The following CSMD3 variants were observed in gnomAD, a reference collection of about 807,000 sequenced individuals.
CSMD3 encodes CUB and sushi domain-containing protein 3.
In CSMD3, 177 loss-of-function variants were observed where a neutral mutation model predicts 435.2. The observed-to-expected ratio is 0.41, with a 90% confidence interval of 0.36 to 0.46. The LOEUF is 0.46. Among genes scored for constraint, CSMD3 ranks in the 20% least tolerant of loss-of-function variants. The pLI is 0.34. For synonymous variants in CSMD3, 1,656 were observed against 1,520.5 expected (o/e 1.09, Z -2.07); for missense variants, 4,265 against 4,504.6 (o/e 0.95, Z 1.52).
chr8:112,268,196 T>C (rs1817134656), intron 59 of CSMD3, among the ~76,000 whole-genome samples: 1 of 152,166 alleles, frequency 6.6e-6, no homozygotes. Flanking sequence ...CATAAGAGAT[T>C]AAATATTTGT....
At chr8:113,158,762 A>T (rs1588173160) in intron 4 of CSMD3, among the ~76,000 whole-genome samples, 1 of 152,070 alleles carries the variant, frequency 6.6e-6, no homozygotes, top group East Asian at 1.9e-4. Flanking sequence ...GTGTATATAT[A>T]CAGATATAGA....
At chr8:113,141,597 A>G (rs1250887648) in intron 4 of CSMD3, among the ~76,000 whole-genome samples, 1 of 151,036 alleles carries the variant, frequency 6.6e-6, no homozygotes, top group African/African-American at 2.4e-5. Context: ...CTATAATAAT[A>G]TCAGTTAATG....
chr8:113,308,621 G>C (rs2093842309), intron 2 of CSMD3, among the ~76,000 whole-genome samples: 2 of 152,002 alleles, frequency 1.3e-5, no homozygotes, highest in South Asian at 4.2e-4. Flanking sequence ...ATTATAATTT[G>C]GTATATTGTT....
At chr8:113,231,493 AAAAC>A (rs1467664231) in intron 3 of CSMD3, among the ~76,000 whole-genome samples, 2 of 151,494 alleles carry the variant, frequency 1.3e-5, no homozygotes, top group African/African-American at 4.8e-5. Context: ...TATTTTTTAA[AAAAC>A]AAACTAAATG....
At chr8:112,702,632 A>T (rs2076412966) in intron 13 of CSMD3, among the ~76,000 whole-genome samples, 1 of 152,030 alleles carries the variant, frequency 6.6e-6, no homozygotes, top group Admixed American at 6.6e-5. Flanking sequence ...CATGATAGCC[A>T]GGACCCTATG....
intron 67 of CSMD3, among the ~76,000 whole-genome samples, chr8:112,235,620 T>G (rs1453901363): frequency 6.6e-6 from 1 of 152,092 alleles, no homozygotes; most frequent in Non-Finnish European, 1.5e-5. Flanking sequence ...AAATAGGATC[T>G]AAGAAAAAAT....
intron 6 of CSMD3, among the ~76,000 whole-genome samples, chr8:112,977,427 A>G (rs1348325482): frequency 1.3e-5 from 2 of 151,900 alleles, no homozygotes; most frequent in Non-Finnish European, 1.5e-5. Flanking sequence ...TCTGAAAGAG[A>G]AAAAAAAGCA....
chr8:113,207,072 T>G (rs1368389207), intron 3 of CSMD3, among the ~76,000 whole-genome samples: 2 of 152,174 alleles, frequency 1.3e-5, no homozygotes, highest in African/African-American at 4.8e-5. Context: ...GTGGTCCATG[T>G]ATCTGCATGT....
chr8:113,027,242 AT>A (rs1223914064), intron 5 of CSMD3, among the ~76,000 whole-genome samples: 2 of 152,134 alleles, frequency 1.3e-5, no homozygotes, highest in Non-Finnish European at 2.9e-5. Context: ...ATGCAATGAA[AT>A]TTATTCTAAG....
intron 1 of CSMD3, among the ~76,000 whole-genome samples, chr8:113,328,192 A>G (rs1198540698): frequency 6.6e-6 from 1 of 151,972 alleles, no homozygotes; most frequent in Admixed American, 6.6e-5. Flanking sequence ...TAATCCCAGC[A>G]CTTTGGGAGG....
At chr8:112,272,191 A>G (rs921302028) in intron 59 of CSMD3, among the ~76,000 whole-genome samples, 1 of 152,194 alleles carries the variant, frequency 6.6e-6, no homozygotes, top group African/African-American at 2.4e-5. Flanking sequence ...GTTCTTTAGT[A>G]TTTAACCCTG....
intron 4 of CSMD3, among the ~76,000 whole-genome samples, chr8:113,107,038 C>T (rs976389136): frequency 6.6e-6 from 1 of 152,200 alleles, no homozygotes; most frequent in African/African-American, 2.4e-5. Flanking sequence ...TTCACCTATG[C>T]TCCCTTCCCC....
chr8:113,394,795 A>AT (rs930167111), intron 1 of CSMD3, among the ~76,000 whole-genome samples: 2 of 151,708 alleles, frequency 1.3e-5, no homozygotes, highest in African/African-American at 4.9e-5. Flanking sequence ...TTGAAAGAAA[A>AT]TTTAAAAAAA....
At chr8:112,739,697 A>G (rs2132047637) in intron 13 of CSMD3, among the ~76,000 whole-genome samples, 1 of 151,988 alleles carries the variant, frequency 6.6e-6, no homozygotes, top group East Asian at 1.9e-4. Flanking sequence ...ACTCATAATT[A>G]TCAGAGAAAA....
chr8:113,295,860 C>T lies in CSMD3; in HGVS notation c.402-17156G>A, dbSNP rs190710587. Among the ~76,000 whole-genome samples, 28 of 152,178 alleles carry T rather than the reference C, an allele frequency of 1.8e-4. 1 individual carries two copies. Among genetic ancestry groups the T allele is most frequent in the African/African-American group, 5.8e-4 (24 of 41,522 alleles). ...GACACATGCACATGTATGTTTATTG[C>T]GGCACTATTCACAATAGCAAAGACC... On this transcript the variant is annotated intron_variant, in intron 2 of 70. Transcript: ENST00000297405.
intron 1 of CSMD3, among the ~76,000 whole-genome samples, chr8:113,340,387 T>C (rs148657278): frequency 1.5e-3 from 235 of 152,238 alleles, no homozygotes; most frequent in African/African-American, 5.5e-3. Context: ...AAGACATAAA[T>C]ACTGCTTTAA....
intron 6 of CSMD3, among the ~76,000 whole-genome samples, chr8:112,994,744 C>A (rs573820171): frequency 6.6e-6 from 1 of 151,494 alleles, no homozygotes; most frequent in African/African-American, 2.4e-5. Flanking sequence ...CGTTATAGTA[C>A]AGACCAGTGT....
intron 27 of CSMD3, among the ~76,000 whole-genome samples, chr8:112,537,157 C>T (rs1285784627): frequency 6.6e-6 from 1 of 151,462 alleles, no homozygotes; most frequent in Non-Finnish European, 1.5e-5. Context: ...TACCCTAAAA[C>T]TTAAAGTATA....
chr8:113,092,514 C>A (rs1817185387), intron 5 of CSMD3, among the ~76,000 whole-genome samples: 1 of 151,974 alleles, frequency 6.6e-6, no homozygotes, highest in Admixed American at 6.6e-5. Flanking sequence ...TCCCTAACAG[C>A]CAAATAGCCA....
Sources: gnomAD v4.1 joint callset for allele counts (sites outside exome capture counted in the v4.1 genomes callset) on GRCh38, gnomAD v4.1.1 for gene constraint, MANE v1.5 for transcripts, NCBI Gene and HGNC (gene_info 2026-07-23, HGNC 2026-07-21) for gene names.